FICD: variants seen among roughly 807,000 people sequenced by gnomAD.
FICD encodes the protein FIC domain protein adenylyltransferase.
A neutral mutation model predicts 28.0 loss-of-function variants in FICD; 13 were observed. The observed-to-expected ratio is 0.46, with a 90% CI of 0.30 to 0.74. The LOEUF is 0.74. Ranked by LOEUF, FICD falls within the 30% of genes least tolerant of loss-of-function variation. The pLI is 0.07. For synonymous variants in FICD, 268 were observed against 266.4 expected (o/e 1.01, Z -0.06); for missense variants, 576 against 624.5 (o/e 0.92, Z 0.83).
Position 108,516,995 on chromosome 12 carries a change from C to T in FICD, c.23C>T (p.Ser8Leu). ...CAGATGATGCTCATACCAATGGCTTCAGTGATGGCGGTGACTGAACCGAAA... is the reference window on the plus strand; with the variant it reads ...CAGATGATGCTCATACCAATGGCTTTAGTGATGGCGGTGACTGAACCGAAA... The part of the protein sequence containing the change: MMLIPMA[S>L]VMAVTEPKWV... The change falls in exon 2 of 3, where the codon TCA becomes TTA. Residue 8 changes from serine (S) to leucine (L), a missense_variant. Coordinates refer to ENST00000552695, the MANE Select transcript of FICD (RefSeq NM_007076.3). The T allele has an allele frequency of 2.0e-6, 3 of 1,527,100 alleles. No homozygotes were observed. In the South Asian group the frequency reaches 3.8e-5, roughly 19 times the overall value. The allele number at this position is 1,527,100 out of a possible 1,614,324, so 94.6% of individuals were successfully genotyped here. A position where few individuals can be genotyped will look rare whatever the true frequency, so the allele number is the denominator to read the frequency against.
In FICD at chr12:108,519,156, C is replaced by G; in HGVS notation, c.1058C>G (p.Ala353Gly). 6.2e-7 allele frequency: 1 copy of G among 1,614,232 alleles called. No homozygotes were observed. Among genetic ancestry groups the G allele is most frequent in the South Asian group, 1.1e-5 (1 of 91,086 alleles). Reference protein sequence around the residue: ...AMNLHPVEFAALAHYKLVYIH... With the variant: ...AMNLHPVEFAGLAHYKLVYIH... ...AACCTGCACCCAGTGGAGTTTGCAG[C>G]CTTAGCCCATTATAAACTCGTTTAC... The change falls in exon 3 of 3, where the codon GCC becomes GGC. Residue 353 changes from alanine (A) to glycine (G), a missense_variant. By Grantham distance (60) the Ala-to-Gly change is moderately conservative. Transcript: ENST00000552695. This position sits in a 1 kb window ranked among gnomAD's most constrained non-coding sequence, Gnocchi z 4.5.
In FICD at chr12:108,518,135, G is replaced by A. The variant is rs1871966176; in HGVS notation, c.302-265G>A. On this transcript the variant is annotated intron_variant, in intron 2 of 2. Coordinates refer to ENST00000552695, the MANE Select transcript of FICD (RefSeq NM_007076.3). The surrounding 1 kb of genome is among the most constrained non-coding windows in gnomAD (Gnocchi z 4.4). ...CTATGTCCAGAAAGCAGGAGGCTAG[G>A]AAGCCAAGGAGGTGCCTCCCAGAAT... The A allele has an allele frequency of 1.4e-6, 1 of 702,258 alleles. No individual in the cohort carries two copies. Among genetic ancestry groups the A allele is most frequent in the Non-Finnish European group, 2.6e-6 (1 of 384,838 alleles). 43.5% of individuals were successfully genotyped at this position (702,258 alleles called of 1,614,324 possible).
In FICD at chr12:108,518,679, A is replaced by G. The variant is rs921333737; in HGVS notation, c.581A>G (p.Tyr194Cys). The G allele has an allele frequency of 6.2e-7, 1 of 1,614,220 alleles. No homozygotes were observed. Among genetic ancestry groups the G allele is most frequent in the Non-Finnish European group, 8.5e-7 (1 of 1,180,040 alleles). The change falls in exon 3 of 3, where the codon TAT becomes TGT. Residue 194 changes from tyrosine (Y) to cysteine (C), a missense_variant. Tyr to Cys is a radical substitution (Grantham distance 194). Coordinates refer to ENST00000552695, the MANE Select transcript of FICD (RefSeq NM_007076.3). This position sits in a 1 kb window ranked among gnomAD's most constrained non-coding sequence, Gnocchi z 4.4. ...LPLVEEIDQR[Y>C]FSIIDSKVKK... ...CTTGTGGAAGAGATCGACCAGAGGT[A>G]TTTCAGCATCATCGACAGCAAAGTG...
chr12:108,519,352 CG>C lies in FICD; in HGVS notation c.1255del (p.Ala419ProfsTer38), dbSNP rs776340130. On this transcript the variant is annotated frameshift_variant, in exon 3 of 3. Transcript: ENST00000552695. LOFTEE classifies it high-confidence loss of function. This position sits in a 1 kb window ranked among gnomAD's most constrained non-coding sequence, Gnocchi z 4.5. ...ACGTGAGGCCTTTCATTCGCTTCAT[CG>C]CCAAGTGTACTGAGACCACCCTGGA... ...GDVRPFIRFI[A>X]KCTETTLDTL... The C allele has an allele frequency of 1.9e-6, 3 of 1,614,038 alleles. No homozygotes were observed. Among genetic ancestry groups the C allele is most frequent in the Non-Finnish European group, 2.5e-6 (3 of 1,180,028 alleles).
chr12:108,517,842 C>G (rs1023716473), intron 2 of FICD, among the ~76,000 whole-genome samples: 1 of 152,144 alleles, frequency 6.6e-6, no homozygotes. Flanking sequence ...GACAACTAAC[C>G]AGGTCTCCAG....
In FICD at chr12:108,520,860, T is replaced by C. The variant is rs900974392; in HGVS notation, c.*1385T>C. On this transcript the variant is annotated 3_prime_UTR_variant, in exon 3 of 3. Transcript: ENST00000552695. Reference sequence around the variant, plus strand: ...CTCTTTGATTTGGTAATTCCGTTCCTGACAGTAATGAGGCCACTGCTCTAA... The same window carrying C: ...CTCTTTGATTTGGTAATTCCGTTCCCGACAGTAATGAGGCCACTGCTCTAA... The C allele has an allele frequency of 3.9e-5, 6 of 152,250 alleles. No homozygotes were observed. Among genetic ancestry groups the C allele is most frequent in the Non-Finnish European group, 7.3e-5 (5 of 68,044 alleles). 9.4% of individuals were successfully genotyped at this position (152,250 alleles called of 1,614,324 possible). A position where few individuals can be genotyped will look rare whatever the true frequency, so the allele number is the denominator to read the frequency against.
Position 108,519,159 on chromosome 12 carries a change from T to A in FICD, c.1061T>A (p.Leu354Ter). 1 of 1,614,202 alleles carries A rather than the reference T, an allele frequency of 6.2e-7. No individual in the cohort carries two copies. The highest frequency in any genetic ancestry group is 8.5e-7 in the Non-Finnish European group (1 of 1,180,014). ...CTGCACCCAGTGGAGTTTGCAGCCT[T>A]AGCCCATTATAAACTCGTTTACATC... ...MNLHPVEFAA[L>*]AHYKLVYIHP... Residue 354 changes from leucine to a stop codon, truncating the protein, a stop_gained, in exon 3 of 3, where the codon TTA becomes TAA. Transcript: ENST00000552695. LOFTEE classifies it high-confidence loss of function. The surrounding 1 kb of genome is among the most constrained non-coding windows in gnomAD (Gnocchi z 4.5).
In FICD at chr12:108,518,273, C is replaced by G; in HGVS notation, c.302-127C>G. On this transcript the variant is annotated intron_variant, in intron 2 of 2. Coordinates refer to ENST00000552695, the MANE Select transcript of FICD (RefSeq NM_007076.3). This position sits in a 1 kb window ranked among gnomAD's most constrained non-coding sequence, Gnocchi z 4.4. ...ACACACGATGCGGCTGCAACAAGCT[C>G]CTCAAGGCCAGGGACACAGGCTGGT... The G allele has an allele frequency of 1.3e-6, 1 of 798,064 alleles. No individual in the cohort carries two copies. The highest frequency in any genetic ancestry group is 2.7e-5 in the East Asian group (1 of 37,694). The allele number at this position is 798,064 out of a possible 1,614,324, so 49.4% of individuals were successfully genotyped here.
chr12:108,517,598 A>G (rs979338849), intron 2 of FICD: 9 of 422,364 alleles, frequency 2.1e-5, no homozygotes, highest in Non-Finnish European at 3.3e-5. Context: ...CATAACTGAC[A>G]TAACTGTCGT....
chr12:108,516,869 T>C (rs1871922130), intron 1 of FICD, 46 bp from the exon 2 acceptor site: 3 of 945,706 alleles, frequency 3.2e-6, no homozygotes, highest in African/African-American at 1.7e-5. Context: ...AGTCACACTA[T>C]GTCCTGAACG....
Position 108,516,898 on chromosome 12 carries a change from C to T in FICD, c.-58-17C>T. ...CTGAACGTGTCTGTTTCTCCTGCGACTCTTGGCTCCTTGCAGATCCTGCTC... is the reference window on the plus strand; with the variant it reads ...CTGAACGTGTCTGTTTCTCCTGCGATTCTTGGCTCCTTGCAGATCCTGCTC... On this transcript the variant is annotated splice_polypyrimidine_tract_variant and intron_variant, in intron 1 of 2. Transcript: ENST00000552695. 9 of 1,299,790 alleles carry T rather than the reference C, an allele frequency of 6.9e-6. No homozygotes were observed. Among genetic ancestry groups the T allele is most frequent in the South Asian group, 6.7e-5 (4 of 59,592 alleles). 80.5% of individuals were successfully genotyped at this position (1,299,790 alleles called of 1,614,324 possible).
rs951071279 is a variant in FICD, at chr12:108,518,102, A to G, written c.302-298A>G. The G allele has an allele frequency of 1.4e-6, 1 of 702,094 alleles. No homozygotes were observed. The allele number at this position is 702,094 out of a possible 1,614,324, so 43.5% of individuals were successfully genotyped here. A position where few individuals can be genotyped will look rare whatever the true frequency, so the allele number is the denominator to read the frequency against. The stretch of plus-strand genomic sequence containing the variant: ...GAGGGCCCAGGCGAAGTAAATGCCT[A>G]GAACTTTCTATGTCCAGAAAGCAGG... On this transcript the variant is annotated intron_variant, in intron 2 of 2. Coordinates refer to ENST00000552695, the MANE Select transcript of FICD (RefSeq NM_007076.3). This position sits in a 1 kb window ranked among gnomAD's most constrained non-coding sequence, Gnocchi z 4.4.
Position 108,516,953 on chromosome 12 carries a change from G to C in FICD, c.-20G>C, listed in dbSNP as rs775872757. The C allele has an allele frequency of 6.9e-7, 1 of 1,450,616 alleles. No homozygotes were observed. Among genetic ancestry groups the C allele is most frequent in the Non-Finnish European group, 9.2e-7 (1 of 1,092,214 alleles). The allele number at this position is 1,450,616 out of a possible 1,614,324, so 89.9% of individuals were successfully genotyped here. On this transcript the variant is annotated 5_prime_UTR_variant, in exon 2 of 3. Transcript: ENST00000552695. ...TCAGCCGCCTGTGGACATGCGCAAA[G>C]GGCCCTCTCCTGAGTCCAGATGATG...
At chr12:108,517,488 A>C in intron 2 of FICD, 1 of 425,062 alleles carries the variant, frequency 2.4e-6, no homozygotes, top group Non-Finnish European at 4.1e-6. Flanking sequence ...TCCCTGGAGG[A>C]AGTGACACCT....
intron 2 of FICD, 71 bp downstream of exon 2, chr12:108,517,344 G>A (rs1268339613): frequency 4.7e-6 from 6 of 1,274,292 alleles, no homozygotes; most frequent in Non-Finnish European, 6.2e-6. Flanking sequence ...GTCATGTCCT[G>A]TATGTGGGGC....
rs1383423616 is a variant in FICD at position 108,520,370 on chromosome 12, TTAACCTGAGA to T, written c.*896_*905del. 6.6e-6 allele frequency: 1 copy of T among 152,182 alleles called. No individual in the cohort carries two copies. The highest frequency in any genetic ancestry group is 2.4e-5 in the African/African-American group (1 of 41,440). The allele number at this position is 152,182 out of a possible 1,614,324, so 9.4% of individuals were successfully genotyped here. ...TGCCTGAGTTTTCTGTAGGCAGATGTTAACCTGAGAAAACAAGTGCCATGTGGACACCAAG... is the reference window on the plus strand; with the variant it reads ...TGCCTGAGTTTTCTGTAGGCAGATGTAAACAAGTGCCATGTGGACACCAAG... On this transcript the variant is annotated 3_prime_UTR_variant, in exon 3 of 3. Transcript: ENST00000552695.
At chr12:108,516,439 T>C (rs1871912507) in intron 1 of FICD, among the ~76,000 whole-genome samples, 1 of 152,228 alleles carries the variant, frequency 6.6e-6, no homozygotes, top group Non-Finnish European at 1.5e-5. Context: ...AATCCAGTGT[T>C]TGTGGTCAGA....
At chr12:108,515,682 G>A (rs1871890408) in intron 1 of FICD, among the ~76,000 whole-genome samples, 1 of 152,080 alleles carries the variant, frequency 6.6e-6, no homozygotes, top group Non-Finnish European at 1.5e-5. Context: ...CACTCCAGGC[G>A]CACCCCTATT....
Position 108,519,669 on chromosome 12 carries a change from A to G in FICD, c.*194A>G. The G allele has an allele frequency of 1.8e-6, 1 of 543,256 alleles. No homozygotes were observed. Among genetic ancestry groups the G allele is most frequent in the Non-Finnish European group, 3.2e-6 (1 of 312,168 alleles). 33.7% of individuals were successfully genotyped at this position (543,256 alleles called of 1,614,324 possible). A position where few individuals can be genotyped will look rare whatever the true frequency, so the allele number is the denominator to read the frequency against. On this transcript the variant is annotated 3_prime_UTR_variant, in exon 3 of 3. Transcript: ENST00000552695. This position sits in a 1 kb window ranked among gnomAD's most constrained non-coding sequence, Gnocchi z 4.5. ...AAATAACTTATAATTCAACCAAGCT[A>G]TTTATTTTCTTCTTTGGAGCAAGCT...
Sources: gnomAD v4.1 joint callset for allele counts (sites outside exome capture counted in the v4.1 genomes callset) on GRCh38, gnomAD v4.1.1 for gene constraint, Gnocchi (gnomAD v3.1) non-coding constraint, MANE v1.5 for transcripts, NCBI Gene and HGNC (gene_info 2026-07-23, HGNC 2026-07-21) for gene names.